Variants in UBN2 observed in about 807,000 individuals in gnomAD.
UBN2 encodes the protein ubinuclein-2.
A neutral mutation model predicts 120.2 loss-of-function variants in UBN2; 35 were observed. The observed-to-expected ratio is 0.29, with a 90% CI of 0.22 to 0.39. The LOEUF (loss-of-function observed/expected upper bound fraction) is 0.39, where lower values mean the gene tolerates loss of function less well. Ranked by LOEUF, UBN2 falls within the 10% of genes least tolerant of loss-of-function variation. UBN2 has a pLI of 1.00. For missense variants in UBN2, 1,693 were observed against 1,663.2 expected (o/e 1.02, Z -0.31); for synonymous variants, 661 against 648.7 (o/e 1.02, Z -0.29).
At position 139,306,345 on chromosome 7, in the gene UBN2, A is replaced by G. The variant is rs1339082675; in HGVS notation, c.*8509A>G. 6.6e-6 allele frequency: 1 copy of G among 152,180 alleles called. No individual in the cohort carries two copies. The highest frequency in any genetic ancestry group is 1.5e-5 in the Non-Finnish European group (1 of 68,030). The allele number at this position is 152,180 out of a possible 1,614,324, so 9.4% of individuals were successfully genotyped here. On this transcript the variant is annotated 3_prime_UTR_variant, in exon 18 of 18. Coordinates refer to ENST00000473989, the MANE Select transcript of UBN2 (RefSeq NM_173569.4). ...AGGGTTAGTGTGCCCTCTGTCAGAA[A>G]ATTGGGTTTTCTTTACTATACCTGC...
intron 2 of UBN2, among the ~76,000 whole-genome samples, chr7:139,239,847 C>T (rs1167318510): frequency 4.6e-5 from 7 of 152,126 alleles, no homozygotes; most frequent in South Asian, 2.1e-4. Flanking sequence ...TGAGCCACTG[C>T]GCCCAGCCTA....
At chr7:139,242,252 T>C (rs943388464) in intron 2 of UBN2, among the ~76,000 whole-genome samples, 1 of 152,190 alleles carries the variant, frequency 6.6e-6, no homozygotes, top group South Asian at 2.1e-4. Context: ...GTGTACTGTT[T>C]CTGGGAGTTG....
the UBN2 span, among the ~76,000 whole-genome samples, chr7:139,317,391 A>C: frequency 6.6e-6 from 1 of 151,970 alleles, no homozygotes; most frequent in South Asian, 2.1e-4. Flanking sequence ...GGCTGGTCTC[A>C]AGATTAATCT....
At chr7:139,248,985 G>A (rs1796545550) in intron 2 of UBN2, among the ~76,000 whole-genome samples, 7 of 151,534 alleles carry the variant, frequency 4.6e-5, no homozygotes, top group Admixed American at 4.0e-4. Context: ...ATGTATATAT[G>A]TGTATATGTA....
intron 2 of UBN2, among the ~76,000 whole-genome samples, chr7:139,247,738 C>T (rs1178753242): frequency 6.6e-6 from 1 of 151,864 alleles, no homozygotes; most frequent in African/African-American, 2.4e-5. Context: ...TTTTTTCTTT[C>T]TAGCTGTTTT....
intron 2 of UBN2, among the ~76,000 whole-genome samples, chr7:139,248,925 T>C (rs938164922): frequency 5.9e-5 from 9 of 152,066 alleles, no homozygotes; most frequent in Non-Finnish European, 7.4e-5. Context: ...ATGGGAAAAA[T>C]AAAGGACAAT....
chr7:139,269,621 CATATT>C (rs1196083224), intron 8 of UBN2, 98 bp downstream of exon 8: 3 of 1,296,684 alleles, frequency 2.3e-6, no homozygotes, highest in Non-Finnish European at 3.2e-6. Context: ...GATTTATAGT[CATATT>C]GTATGTATTT....
the UBN2 span, among the ~76,000 whole-genome samples, chr7:139,316,883 A>T: frequency 6.6e-6 from 1 of 151,570 alleles, no homozygotes; most frequent in African/African-American, 2.4e-5. Context: ...CCTTCTTTCT[A>T]TAAGATTTTT....
At chr7:139,317,334 G>A in the UBN2 span, among the ~76,000 whole-genome samples, 1 of 151,914 alleles carries the variant, frequency 6.6e-6, no homozygotes, top group South Asian at 2.1e-4. Flanking sequence ...ACCACGCCCA[G>A]CTAGTTTTTA....
intron 17 of UBN2, among the ~76,000 whole-genome samples, 171 bp from the exon 18 acceptor site, chr7:139,297,616 A>G (rs1447927520): frequency 6.6e-6 from 1 of 152,182 alleles, no homozygotes; most frequent in Non-Finnish European, 1.5e-5. Flanking sequence ...TATCTCCATG[A>G]TGTTTTATCA....
intron 13 of UBN2, among the ~76,000 whole-genome samples, chr7:139,279,943 G>A (rs1252411069): frequency 1.3e-5 from 2 of 152,194 alleles, no homozygotes; most frequent in East Asian, 1.9e-4. Context: ...CTTGGACTGG[G>A]TTCTGGTTTG....
At chr7:139,240,707 T>A (rs771391599) in intron 2 of UBN2, among the ~76,000 whole-genome samples, 2 of 152,034 alleles carry the variant, frequency 1.3e-5, no homozygotes, top group East Asian at 1.9e-4. Context: ...ATTTATGGGG[T>A]TCCCCCCTCC....
Position 139,302,026 on chromosome 7 carries a change from A to G in UBN2, c.*4190A>G, listed in dbSNP as rs778828939. The G allele has an allele frequency of 2.8e-4, 42 of 152,340 alleles. No homozygotes were observed. The highest frequency in any genetic ancestry group is 3.4e-3 in the Middle Eastern group (1 of 294). 9.4% of individuals were successfully genotyped at this position (152,340 alleles called of 1,614,324 possible). On this transcript the variant is annotated 3_prime_UTR_variant, in exon 18 of 18. Transcript: ENST00000473989. The stretch of plus-strand genomic sequence containing the variant: ...TTGTAAATCATTTCTTAGCTCTGGT[A>G]AAATGCTTATATTACTCCTCTAAAA...
rs1798298581 is a variant in UBN2, at chr7:139,303,105, A to G, written c.*5269A>G. On this transcript the variant is annotated 3_prime_UTR_variant, in exon 18 of 18. Coordinates refer to ENST00000473989, the MANE Select transcript of UBN2 (RefSeq NM_173569.4). ...TCATATAGCTGCATATCTATCTGTT[A>G]AAAGGTTAATAAACTCAGAAGTAGA... The G allele has an allele frequency of 6.6e-6, 1 of 152,238 alleles. No homozygotes were observed. The highest frequency in any genetic ancestry group is 1.5e-5 in the Non-Finnish European group (1 of 68,036). The allele number at this position is 152,238 out of a possible 1,614,324, so 9.4% of individuals were successfully genotyped here. A position where few individuals can be genotyped will look rare whatever the true frequency, so the allele number is the denominator to read the frequency against.
rs774336115 is a variant in UBN2 at position 139,283,183 on chromosome 7, C to G, written c.2278C>G (p.Leu760Val). 7 of 1,612,440 alleles carry G rather than the reference C, an allele frequency of 4.3e-6. No homozygotes were observed. The African/African-American group carries it at 9.4e-5, about 22-fold the overall frequency. ...ICLDDSLDED[L>V]SFHSPSLDLV... ...CCTCGACGACTCACTAGATGAAGAC[C>G]TTTCTTTCCATTCACCTTCACTGGA... The change falls in exon 15 of 18, where the codon CTT becomes GTT. Residue 760 changes from leucine to valine, a missense_variant. By Grantham distance (32) the Leu-to-Val change is conservative. Around this residue, in one of 5 missense-constraint regions of UBN2, gnomAD observed 837 missense variants for 817.6 expected, o/e 1.02. Coordinates refer to ENST00000473989, the MANE Select transcript of UBN2 (RefSeq NM_173569.4).
At chr7:139,265,403 G>A (rs549144755) in intron 6 of UBN2, among the ~76,000 whole-genome samples, 6 of 152,092 alleles carry the variant, frequency 3.9e-5, no homozygotes, top group African/African-American at 9.7e-5. Context: ...ACCTAAACCC[G>A]GGAGGTGGAG....
At chr7:139,321,387 G>A in the UBN2 span, among the ~76,000 whole-genome samples, 4,746 of 152,304 alleles carry the variant, frequency 0.031, 108 homozygotes, top group Middle Eastern at 0.048. Context: ...GGACCATTTC[G>A]GAAAGTGTGA....
intron 2 of UBN2, among the ~76,000 whole-genome samples, chr7:139,237,664 G>T (rs1386327303): frequency 6.6e-6 from 1 of 152,142 alleles, no homozygotes; most frequent in Non-Finnish European, 1.5e-5. Flanking sequence ...TTTTACAGAT[G>T]AGGAAACTGA....
In UBN2 at chr7:139,300,458, C is replaced by T. The variant is rs892087555; in HGVS notation, c.*2622C>T. 3.3e-5 allele frequency: 5 copies of T among 152,122 alleles called. No individual in the cohort carries two copies. Among genetic ancestry groups the T allele is most frequent in the Non-Finnish European group, 7.4e-5 (5 of 68,024 alleles). The allele number at this position is 152,122 out of a possible 1,614,324, so 9.4% of individuals were successfully genotyped here. On this transcript the variant is annotated 3_prime_UTR_variant, in exon 18 of 18. Transcript: ENST00000473989. ...ATACTTTATGGTCACCTGTCTTTAC[C>T]GTTTTTATTACTAAAAACAAACATA...
Sources: gnomAD v4.1 joint callset for allele counts (sites outside exome capture counted in the v4.1 genomes callset) on GRCh38, gnomAD v4.1.1 for gene constraint, gnomAD v4.1.1 regional missense constraint, MANE v1.5 for transcripts, NCBI Gene and HGNC (gene_info 2026-07-23, HGNC 2026-07-21) for gene names.